The following PAX3 variants were observed in gnomAD, a reference collection of about 807,000 sequenced individuals.
PAX3 encodes paired box 3, also known as paired box protein Pax-3.
In PAX3, 14 loss-of-function variants were observed where a neutral mutation model predicts 51.6. That is an observed-to-expected ratio of 0.27 (90% CI 0.18 to 0.42). The LOEUF is 0.42. PAX3 is among the 10% of genes least tolerant of loss of function. The pLI is 1.00. For missense variants in PAX3, 540 were observed against 642.8 expected, an observed-to-expected ratio of 0.84 and a Z score of 1.73; for synonymous variants, 280 against 253.4, an observed-to-expected ratio of 1.11 and a Z score of -1.00.
At chr2:222,249,343 C>G (rs1030223777) in intron 4 of PAX3, among the ~76,000 whole-genome samples, 1 of 152,146 alleles carries the variant, frequency 6.6e-6, no homozygotes, top group African/African-American at 2.4e-5. Context: ...AAGACATCAA[C>G]AATACCATTC....
intron 4 of PAX3, among the ~76,000 whole-genome samples, chr2:222,261,699 G>T (rs567063852): frequency 2.7e-4 from 41 of 152,014 alleles, no homozygotes; most frequent in African/African-American, 9.6e-4. Flanking sequence ...GCATGAGTCA[G>T]AACATTGGCC....
At chr2:222,215,475 G>C (rs1691916222) in intron 7 of PAX3, among the ~76,000 whole-genome samples, 1 of 151,954 alleles carries the variant, frequency 6.6e-6, no homozygotes, top group Admixed American at 6.6e-5. Context: ...GAACTGTGGA[G>C]TTTGTAGAAG....
At position 222,208,003 on chromosome 2, in the gene PAX3, G is replaced by GTA. The variant is rs71408506; in HGVS notation, c.1174-5815_1174-5814dup. 5.3e-3 allele frequency among the ~76,000 whole-genome samples: 791 copies of GTA among 147,990 alleles called. 6 individuals are homozygous for GTA. The highest frequency in any genetic ancestry group is 0.012 in the East Asian group (59 of 5,086). On this transcript the variant is annotated intron_variant, in intron 7 of 8. Transcript: ENST00000392070. ...TGTATATATATACATATATGTGTGT[G>GTA]TATATATATATATATATAACTTCTA... is the stretch of plus-strand genomic sequence containing the variant.
At chr2:222,216,279 A>G (rs1322301116) in intron 7 of PAX3, among the ~76,000 whole-genome samples, 3 of 152,198 alleles carry the variant, frequency 2.0e-5, no homozygotes, top group Admixed American at 1.3e-4. Flanking sequence ...CACTCCATCA[A>G]TTAAATGATT....
At chr2:222,293,620 A>G (rs1695127665) in intron 4 of PAX3, 4 of 1,612,906 alleles carry the variant, frequency 2.5e-6, no homozygotes, top group Middle Eastern at 1.6e-4. Flanking sequence ...ATCAACTTCA[A>G]ACAAATCAAA....
chr2:222,250,180 C>T (rs544094509), intron 4 of PAX3, among the ~76,000 whole-genome samples: 2 of 152,272 alleles, frequency 1.3e-5, no homozygotes, highest in East Asian at 3.9e-4. Flanking sequence ...TGTCTTTACA[C>T]TCACTAAGCC....
chr2:222,205,941 T>C (rs1174950922), intron 7 of PAX3, among the ~76,000 whole-genome samples: 2 of 152,232 alleles, frequency 1.3e-5, no homozygotes, highest in African/African-American at 4.8e-5. Context: ...AATATGGTTA[T>C]GGAATGTCTT....
chr2:222,290,937 AG>A (rs1695008815), intron 4 of PAX3, among the ~76,000 whole-genome samples: 4 of 150,810 alleles, frequency 2.7e-5, no homozygotes, highest in Admixed American at 2.6e-4. Context: ...AAAAAAAAAA[AG>A]AGGAGAAGAA....
At chr2:222,251,058 G>A (rs1279497836) in intron 4 of PAX3, among the ~76,000 whole-genome samples, 2 of 152,110 alleles carry the variant, frequency 1.3e-5, no homozygotes, top group African/African-American at 4.8e-5. Flanking sequence ...CTCAGGTGAA[G>A]GGGGAACACT....
At chr2:222,293,728 G>A (rs1471950767) in intron 4 of PAX3, 2 of 1,614,132 alleles carry the variant, frequency 1.2e-6, no homozygotes, top group Admixed American at 3.3e-5. Flanking sequence ...CTCCTTTAAT[G>A]CGAGGAAACT....
intron 4 of PAX3, among the ~76,000 whole-genome samples, chr2:222,287,804 C>T (rs145829268): frequency 1.4e-4 from 21 of 152,196 alleles, no homozygotes; most frequent in African/African-American, 4.8e-4. Flanking sequence ...AGATAATACC[C>T]ACCAAAATTC....
chr2:222,220,627 A>C (rs144126601), intron 6 of PAX3, among the ~76,000 whole-genome samples: 1 of 152,354 alleles, frequency 6.6e-6, no homozygotes, highest in East Asian at 1.9e-4. Context: ...AATGCTAACA[A>C]GCATATTTTG....
At chr2:222,260,841 C>G (rs1693837737) in intron 4 of PAX3, among the ~76,000 whole-genome samples, 1 of 151,756 alleles carries the variant, frequency 6.6e-6, no homozygotes, top group African/African-American at 2.4e-5. Flanking sequence ...TCTGCCCCGG[C>G]CTCCCAAAGT....
At chr2:222,237,355 CA>C (rs1692839609) in intron 4 of PAX3, among the ~76,000 whole-genome samples, 1 of 151,918 alleles carries the variant, frequency 6.6e-6, no homozygotes, top group Non-Finnish European at 1.5e-5. Context: ...CACACACACA[CA>C]CACAGTTCTT....
At chr2:222,205,433 G>C (rs1233783159) in intron 7 of PAX3, among the ~76,000 whole-genome samples, 3 of 152,112 alleles carry the variant, frequency 2.0e-5, no homozygotes, top group African/African-American at 7.2e-5. Context: ...TGAGAGCATA[G>C]AGGGGACCAG....
In PAX3 at chr2:222,289,808, T is replaced by G. The variant is rs75954298; in HGVS notation, c.586+4359A>C. On this transcript the variant is annotated intron_variant, in intron 4 of 8. Coordinates refer to ENST00000392070, the MANE Select transcript of PAX3 (RefSeq NM_181458.4). ...AACACGGCGTGGTGTTCTAATAGAA[T>G]TCAAGTTCTGATACTTCCAATATTT... 8.0e-3 allele frequency among the ~76,000 whole-genome samples: 1,219 copies of G among 152,336 alleles called. 9 individuals carry two copies. The highest frequency in any genetic ancestry group is 0.026 in the South Asian group (125 of 4,820).
chr2:222,294,890 G>T (rs1352477154), intron 3 of PAX3, among the ~76,000 whole-genome samples: 1 of 148,424 alleles, frequency 6.7e-6, no homozygotes, highest in Non-Finnish European at 1.5e-5. Context: ...AAAAGAAAAT[G>T]CACTCTCTCC....
intron 4 of PAX3, among the ~76,000 whole-genome samples, chr2:222,245,364 A>G (rs1170766673): frequency 1.3e-5 from 2 of 152,216 alleles, no homozygotes; most frequent in Admixed American, 6.5e-5. Flanking sequence ...TGTCTTCTCT[A>G]TGTCTACTGA....
At chr2:222,285,074 G>C (rs1217858903) in intron 4 of PAX3, among the ~76,000 whole-genome samples, 2 of 152,104 alleles carry the variant, frequency 1.3e-5, no homozygotes, top group Non-Finnish European at 2.9e-5. Flanking sequence ...ACCTCAATTG[G>C]GAAACTGGCC....
Sources: allele counts gnomAD v4.1 joint callset (sites outside exome capture counted in the v4.1 genomes callset), GRCh38; gene constraint gnomAD v4.1.1; transcripts MANE v1.5; gene names NCBI Gene and HGNC (gene_info 2026-07-23, HGNC 2026-07-21).